HS3ST5: variants seen among roughly 807,000 people sequenced by gnomAD.
HS3ST5 encodes the protein heparan sulfate-glucosamine 3-sulfotransferase 5, also known as heparan sulfate glucosamine 3-O-sulfotransferase 5.
In HS3ST5, 10 loss-of-function variants were observed where a neutral mutation model predicts 25.4. The ratio of observed to expected loss-of-function variants is 0.39; its 90% CI spans 0.24 to 0.67. The LOEUF is 0.67. Ranked by LOEUF, HS3ST5 falls within the 30% of genes least tolerant of loss-of-function variation. HS3ST5 has a pLI of 0.44. For missense variants in HS3ST5, 324 were observed against 420.7 expected (o/e 0.77, Z 2.01); for synonymous variants, 170 against 162.4 (o/e 1.05, Z -0.36).
intron 1 of HS3ST5, among the ~76,000 whole-genome samples, chr6:114,298,705 G>T (rs796734912): frequency 3.3e-5 from 5 of 152,310 alleles, no homozygotes; most frequent in African/African-American, 1.2e-4. Context: ...AAGATTTCAT[G>T]GACATTTATT....
intron 1 of HS3ST5, among the ~76,000 whole-genome samples, chr6:114,296,471 C>T (rs772773194): frequency 8.5e-5 from 13 of 152,218 alleles, no homozygotes; most frequent in Non-Finnish European, 1.8e-4. Flanking sequence ...TCTCCATAAC[C>T]AACATAGACT....
chr6:114,097,370 A>G (rs1775487799), intron 3 of HS3ST5, among the ~76,000 whole-genome samples: 1 of 152,022 alleles, frequency 6.6e-6, no homozygotes, highest in African/African-American at 2.4e-5. Flanking sequence ...TAAGATATGC[A>G]AAATGCAAAA....
At chr6:114,232,649 T>C (rs1266694805) in intron 1 of HS3ST5, among the ~76,000 whole-genome samples, 1 of 152,214 alleles carries the variant, frequency 6.6e-6, no homozygotes, top group Non-Finnish European at 1.5e-5. Context: ...AGTCATCAGT[T>C]GAATGAGCCA....
rs9387188 is a variant in HS3ST5 at position 114,110,826 on chromosome 6, A to G, written c.-32-47949T>C. Among the ~76,000 whole-genome samples, 164 of 152,362 alleles carry G rather than the reference A, an allele frequency of 1.1e-3. 1 individual carries two copies. In the East Asian group the frequency reaches 0.027, roughly 25 times the overall value. ...GCATATTCTATAATGTAGTGGCTTC[A>G]ATTAGTTTGACAAAATATTTAAAAT... On this transcript the variant is annotated intron_variant, in intron 3 of 4. Transcript: ENST00000312719.
chr6:114,195,300 G>A (rs551369635), intron 2 of HS3ST5, among the ~76,000 whole-genome samples: 22 of 152,016 alleles, frequency 1.4e-4, no homozygotes, highest in Non-Finnish European at 2.6e-4. Flanking sequence ...GCAGCTAGAG[G>A]CAAATAAATC....
chr6:114,134,502 A>G (rs1777496641), intron 3 of HS3ST5, among the ~76,000 whole-genome samples: 2 of 152,192 alleles, frequency 1.3e-5, no homozygotes, highest in South Asian at 2.1e-4. Flanking sequence ...AATTTTTTGC[A>G]TAGAGCTGCA....
rs562487116 is a variant in HS3ST5 at position 114,325,201 on chromosome 6, T to C, written c.-339+16994A>G. 3.9e-5 allele frequency among the ~76,000 whole-genome samples: 6 copies of C among 152,254 alleles called. No individual in the cohort carries two copies. In the East Asian group the frequency reaches 1.2e-3, roughly 29 times the overall value. On this transcript the variant is annotated intron_variant, in intron 1 of 4. Transcript: ENST00000312719. ...AGGCTGAGACCCAAACCTCATCAAC[T>C]TGGTCTTAAGACCAAGACTCCATCA...
At chr6:114,130,324 G>T (rs1016257657) in intron 3 of HS3ST5, among the ~76,000 whole-genome samples, 1 of 152,138 alleles carries the variant, frequency 6.6e-6, no homozygotes, top group African/African-American at 2.4e-5. Flanking sequence ...CACAATGAGA[G>T]AGAAAAGTAA....
chr6:114,232,410 C>G (rs912355794), intron 1 of HS3ST5, among the ~76,000 whole-genome samples: 1 of 152,054 alleles, frequency 6.6e-6, no homozygotes, highest in Non-Finnish European at 1.5e-5. Context: ...AGGCTGGTCT[C>G]AAACTCCTGG....
intron 1 of HS3ST5, among the ~76,000 whole-genome samples, chr6:114,286,654 T>C (rs1774352277): frequency 6.6e-6 from 1 of 152,034 alleles, no homozygotes; most frequent in Non-Finnish European, 1.5e-5. Flanking sequence ...CCTTCCCTTT[T>C]ACAAACTAGC....
intron 2 of HS3ST5, among the ~76,000 whole-genome samples, chr6:114,176,865 G>A (rs1217565371): frequency 6.6e-6 from 1 of 152,128 alleles, no homozygotes; most frequent in African/African-American, 2.4e-5. Context: ...TCACTCCCAA[G>A]ACTGGTCTGT....
rs545718394 is a variant in HS3ST5 at position 114,342,472 on chromosome 6, G to T, written c.-616C>A. On this transcript the variant is annotated 5_prime_UTR_variant, in exon 1 of 5. Transcript: ENST00000312719. Reference sequence around the variant, plus strand: ...CGAGGTCTGAGGCGGGGAGCCGGGCGGGGGGGCAGGCGGGCGAGAAGTAGT... The same window carrying T: ...CGAGGTCTGAGGCGGGGAGCCGGGCTGGGGGGCAGGCGGGCGAGAAGTAGT... 25 of 179,206 alleles carry T rather than the reference G, an allele frequency of 1.4e-4. No individual in the cohort carries two copies. The highest frequency in any genetic ancestry group is 5.4e-4 in the South Asian group (4 of 7,468). 11.1% of individuals were successfully genotyped at this position (179,206 alleles called of 1,614,324 possible).
intron 3 of HS3ST5, chr6:114,143,103 T>C (rs1403992233): frequency 2.0e-5 from 3 of 152,212 alleles, no homozygotes; most frequent in Non-Finnish European, 4.4e-5. Context: ...TCGTCAGTTC[T>C]TTCAAACAGG....
rs1340757506 is a variant in HS3ST5, at chr6:114,057,772, T to G, written c.526A>C (p.Ile176Leu). ...PERIYKMNSS[I>L]KLLIIVREPT... Reference sequence around the variant, plus strand: ...TCCCTGACAATGATCAACAACTTGATGGATGAGTTCATTTTGTAAATCCTT... The same window carrying G: ...TCCCTGACAATGATCAACAACTTGAGGGATGAGTTCATTTTGTAAATCCTT... The change falls in exon 5 of 5, where the codon ATC becomes CTC. Residue 176 changes from isoleucine (I) to leucine (L), a missense_variant. Physicochemically the swap from Ile to Leu is conservative, Grantham distance 5 (BLOSUM62 2). Coordinates refer to ENST00000312719, the MANE Select transcript of HS3ST5 (RefSeq NM_153612.4). The G allele has an allele frequency of 3.1e-6, 5 of 1,614,232 alleles. No homozygotes were observed. Among genetic ancestry groups the G allele is most frequent in the Non-Finnish European group, 4.2e-6 (5 of 1,180,036 alleles).
At chr6:114,267,688 T>C (rs1218514020) in intron 1 of HS3ST5, among the ~76,000 whole-genome samples, 3 of 152,192 alleles carry the variant, frequency 2.0e-5, no homozygotes, top group Non-Finnish European at 2.9e-5. Context: ...AACAGCCAAT[T>C]TGGCCAAGTT....
chr6:114,338,696 A>T (rs934763586), intron 1 of HS3ST5, among the ~76,000 whole-genome samples: 1 of 152,094 alleles, frequency 6.6e-6, no homozygotes, highest in African/African-American at 2.4e-5. Flanking sequence ...CTTTAATTGC[A>T]CTTCTGCTTA....
At chr6:114,279,515 G>A (rs1468867264) in intron 1 of HS3ST5, among the ~76,000 whole-genome samples, 1 of 152,016 alleles carries the variant, frequency 6.6e-6, no homozygotes, top group African/African-American at 2.4e-5. Context: ...CCAGATTTTT[G>A]TTGCAATTGC....
At chr6:114,221,741 G>A (rs1358040975) in intron 2 of HS3ST5, among the ~76,000 whole-genome samples, 4 of 149,752 alleles carry the variant, frequency 2.7e-5, no homozygotes, top group South Asian at 4.3e-4. Flanking sequence ...TTTAAAATCC[G>A]GGTAGATTCT....
At chr6:114,284,447 G>T (rs1251725072) in intron 1 of HS3ST5, among the ~76,000 whole-genome samples, 1 of 151,830 alleles carries the variant, frequency 6.6e-6, no homozygotes, top group African/African-American at 2.4e-5. Context: ...TGTGCTGAAG[G>T]TTGAGAAGCT....
Sources: allele counts gnomAD v4.1 joint callset (sites outside exome capture counted in the v4.1 genomes callset), GRCh38; gene constraint gnomAD v4.1.1; transcripts MANE v1.5; gene names NCBI Gene and HGNC (gene_info 2026-07-23, HGNC 2026-07-21).